DDX1: variants seen among roughly 807,000 people sequenced by gnomAD.
DDX1 encodes DEAD-box helicase 1, also known as ATP-dependent RNA helicase DDX1.
A neutral mutation model predicts 108.7 loss-of-function variants in DDX1; 28 were observed. The ratio of observed to expected loss-of-function variants is 0.26; its 90% CI spans 0.19 to 0.35. DDX1 has a LOEUF of 0.35. Among genes scored for constraint, DDX1 ranks in the 10% least tolerant of loss-of-function variants. The pLI is 1.00. For synonymous variants in DDX1, 295 were observed against 288.9 expected (o/e 1.02, Z -0.21); for missense variants, 710 against 884.5 (o/e 0.80, Z 2.50).
intron 21 of DDX1, 42 bp downstream of exon 21, chr2:15,628,559 A>T: frequency 6.3e-7 from 1 of 1,597,276 alleles, no homozygotes; most frequent in Non-Finnish European, 8.6e-7. Context: ...ATTGTTACGG[A>T]ATCTAAAGTA....
chr2:15,598,863 A>G (rs973935096), intron 5 of DDX1, among the ~76,000 whole-genome samples: 2 of 152,226 alleles, frequency 1.3e-5, no homozygotes, highest in Non-Finnish European at 2.9e-5. Context: ...GAAAATGCCA[A>G]TCTTATAAAA....
intron 23 of DDX1, among the ~76,000 whole-genome samples, 178 bp downstream of exon 23, chr2:15,629,017 T>A (rs1391877221): frequency 6.6e-6 from 1 of 152,170 alleles, no homozygotes; most frequent in Non-Finnish European, 1.5e-5. Context: ...TAGGGTGAAA[T>A]TTAGAAAGGA....
intron 18 of DDX1, 43 bp from the exon 19 acceptor site, chr2:15,623,393 G>C (rs761447925): frequency 8.1e-6 from 13 of 1,602,766 alleles, no homozygotes; most frequent in Non-Finnish European, 1.1e-5. Context: ...GACAAGTTCA[G>C]ATTGAAATTC....
rs368104651 is a variant in DDX1 at position 15,628,675 on chromosome 2, C to T, written c.1797C>T (p.Tyr599=). Residue 599 remains tyrosine, a synonymous_variant, in exon 22 of 26, where the codon TAC becomes TAT. Coordinates refer to ENST00000233084, the MANE Select transcript of DDX1 (RefSeq NM_004939.3). ...CTCTGCCCGATGAAAAGCAAAACTA[C>T]GTACATCGAATTGGCAGAGTAGGAA... ...NVTLPDEKQN[Y]VHRIGRVGRA... is the part of the protein sequence containing the mutation. 2.9e-5 allele frequency: 47 copies of T among 1,613,048 alleles called. No individual in the cohort carries two copies. The East Asian group carries it at 3.3e-4, about 11-fold the overall frequency.
intron 23 of DDX1, 89 bp from the exon 24 acceptor site, chr2:15,629,513 C>A: frequency 1.1e-6 from 1 of 904,964 alleles, no homozygotes; most frequent in Non-Finnish European, 1.7e-6. Context: ...GCCTTGAGGA[C>A]AGAAAACAAT....
At chr2:15,606,103 T>G in intron 11 of DDX1, 47 bp from the exon 12 acceptor site, 1 of 1,580,310 alleles carries the variant, frequency 6.3e-7, no homozygotes. Flanking sequence ...ATACGATGGT[T>G]TTCAATTAGG....
rs1450424612 is a variant in DDX1 at position 15,607,315 on chromosome 2, T to C, written c.956+2T>C. On this transcript the variant is annotated splice_donor_variant, in intron 13 of 25. Coordinates refer to ENST00000233084, the MANE Select transcript of DDX1 (RefSeq NM_004939.3). LOFTEE classifies it high-confidence loss of function. ...ATACATTGATAATCCTAAATTAAGG[T>C]AAATCTTCCTTTTGTGCTGAAATGC... The C allele has an allele frequency of 6.2e-7, 1 of 1,612,076 alleles. No homozygotes were observed. Among genetic ancestry groups the C allele is most frequent in the African/African-American group, 1.3e-5 (1 of 74,890 alleles).
chr2:15,591,961 G>T lies in DDX1; in HGVS notation c.16+12G>T. 7.0e-7 allele frequency: 1 copy of T among 1,424,990 alleles called. No homozygotes were observed. Among genetic ancestry groups the T allele is most frequent in the South Asian group, 1.5e-5 (1 of 66,802 alleles). The allele number at this position is 1,424,990 out of a possible 1,614,324, so 88.3% of individuals were successfully genotyped here. On this transcript the variant is annotated intron_variant, in intron 1 of 25. Transcript: ENST00000233084. Reference sequence around the variant, plus strand: ...GGCGGCCTTCTCCGGTGCGTTTGTGGAAACTCTGGGGGTGGTGGGGCGGCT... The same window carrying T: ...GGCGGCCTTCTCCGGTGCGTTTGTGTAAACTCTGGGGGTGGTGGGGCGGCT...
At chr2:15,624,570 G>A (rs6731043) in intron 19 of DDX1, among the ~76,000 whole-genome samples, 6,393 of 152,188 alleles carry the variant, frequency 0.042, 329 homozygotes, top group East Asian at 0.22. Flanking sequence ...TGAGGACTCC[G>A]TCACTATCAC....
rs1558452421 is a variant in DDX1 at position 15,603,187 on chromosome 2, T to A, written c.392-5T>A. 5 of 1,601,032 alleles carry A rather than the reference T, an allele frequency of 3.1e-6. No individual in the cohort carries two copies. The highest frequency in any genetic ancestry group is 4.3e-6 in the Non-Finnish European group (5 of 1,170,810). ...TATAAATCTCAATGTATTTTACCCTTGTAGGGAAACACTACTATGAAGTAT... is the reference window on the plus strand; with the variant it reads ...TATAAATCTCAATGTATTTTACCCTAGTAGGGAAACACTACTATGAAGTAT... On this transcript the variant is annotated splice_polypyrimidine_tract_variant and splice_region_variant and intron_variant, in intron 7 of 25. Transcript: ENST00000233084.
chr2:15,613,315 A>G (rs1361158276), intron 14 of DDX1, 31 bp downstream of exon 14: 2 of 1,505,618 alleles, frequency 1.3e-6, no homozygotes, highest in Non-Finnish European at 9.1e-7. Context: ...TTAAAACATA[A>G]TGTCATGGGC....
intron 14 of DDX1, among the ~76,000 whole-genome samples, chr2:15,616,377 T>C (rs1301987324): frequency 1.3e-5 from 2 of 152,206 alleles, no homozygotes; most frequent in African/African-American, 4.8e-5. Context: ...ATATCAAATA[T>C]TAAGTAACTT....
Position 15,630,765 on chromosome 2 carries a change from G to C in DDX1, c.2093-11G>C, listed in dbSNP as rs747693073. 6.2e-7 allele frequency: 1 copy of C among 1,608,566 alleles called. No homozygotes were observed. Among genetic ancestry groups the C allele is most frequent in the African/African-American group, 1.3e-5 (1 of 74,794 alleles). On this transcript the variant is annotated splice_polypyrimidine_tract_variant and intron_variant, in intron 25 of 25. Transcript: ENST00000233084. The stretch of plus-strand genomic sequence containing the variant: ...TCATTTACATTACTTTGTTATTTGT[G>C]TGTGATGCAGGTGGAAGCTATAAAG...
chr2:15,629,801 A>C, intron 24 of DDX1, 104 bp downstream of exon 24: 1 of 1,073,180 alleles, frequency 9.3e-7, no homozygotes, highest in Non-Finnish European at 1.3e-6. Flanking sequence ...TGTCACTTAT[A>C]AGGGAAAGTC....
At chr2:15,622,461 TAGA>T (rs1287687576) in intron 18 of DDX1, among the ~76,000 whole-genome samples, 2 of 152,214 alleles carry the variant, frequency 1.3e-5, no homozygotes, top group African/African-American at 2.4e-5. Flanking sequence ...TTAGAAAACC[TAGA>T]AGAATGGATC....
chr2:15,613,132 T>C (rs1167851725), intron 13 of DDX1, 92 bp from the exon 14 acceptor site: 33 of 865,770 alleles, frequency 3.8e-5, no homozygotes, highest in Admixed American at 6.4e-5. Context: ...TCAACCTTAA[T>C]TTCCACCTAA....
intron 19 of DDX1, among the ~76,000 whole-genome samples, chr2:15,624,015 C>T (rs1471096686): frequency 2.0e-4 from 30 of 152,010 alleles, no homozygotes; most frequent in Admixed American, 1.7e-3. Flanking sequence ...AGAATAAGAT[C>T]AATGTTGGAA....
intron 12 of DDX1, among the ~76,000 whole-genome samples, 156 bp downstream of exon 12, chr2:15,606,420 C>T (rs1482413022): frequency 6.6e-6 from 1 of 152,168 alleles, no homozygotes; most frequent in Non-Finnish European, 1.5e-5. Flanking sequence ...ATTTTTAAAA[C>T]CTAATTCATA....
rs572597161 is a variant in DDX1 at position 15,629,809 on chromosome 2, G to A, written c.1971+112G>A. On this transcript the variant is annotated intron_variant, in intron 24 of 25. Transcript: ENST00000233084. ...ATCTGTTTGTCACTTATAAGGGAAA[G>A]TCGTAGTTGGTTATAATGTTATCTG... The A allele has an allele frequency of 1.2e-5, 12 of 1,034,326 alleles. No individual in the cohort carries two copies. In the East Asian group the frequency reaches 2.9e-4, roughly 25 times the overall value. 64.1% of individuals were successfully genotyped at this position (1,034,326 alleles called of 1,614,324 possible). A position where few individuals can be genotyped will look rare whatever the true frequency, so the allele number is the denominator to read the frequency against.
Sources: gnomAD v4.1 joint callset for allele counts (sites outside exome capture counted in the v4.1 genomes callset) on GRCh38, gnomAD v4.1.1 for gene constraint, MANE v1.5 for transcripts, NCBI Gene and HGNC (gene_info 2026-07-23, HGNC 2026-07-21) for gene names.